The following LINGO2 variants were observed in gnomAD, a reference collection of about 807,000 sequenced individuals.
The protein encoded by LINGO2 is leucine rich repeat and Ig domain containing 2, also known as leucine-rich repeat and immunoglobulin-like domain-containing nogo receptor-interacting protein 2.
In LINGO2, 14 loss-of-function variants were observed where a neutral mutation model predicts 30.6. That is an observed-to-expected ratio of 0.46 (90% CI 0.30 to 0.72). The LOEUF (loss-of-function observed/expected upper bound fraction) is 0.72, where lower values mean the gene tolerates loss of function less well. LINGO2 is among the 30% of genes least tolerant of loss of function. The probability of loss-of-function intolerance (pLI) is 0.07; values close to 1 mark genes in which losing one functional copy is unlikely to be tolerated. For synonymous variants in LINGO2, 317 were observed against 288.5 expected, an observed-to-expected ratio of 1.10 and a Z score of -1.00; for missense variants, 729 against 751.7, an observed-to-expected ratio of 0.97 and a Z score of 0.35.
At chr9:29,150,486 A>C in the LINGO2 span, among the ~76,000 whole-genome samples, 1 of 152,324 alleles carries the variant, frequency 6.6e-6, no homozygotes, top group East Asian at 1.9e-4. Flanking sequence ...GCTCACTGTG[A>C]TTCAGGAGAA....
At chr9:28,997,791 C>G in the LINGO2 span, among the ~76,000 whole-genome samples, 1 of 151,932 alleles carries the variant, frequency 6.6e-6, no homozygotes, top group Non-Finnish European at 1.5e-5. Context: ...CCACTGCACT[C>G]CAGCCTGGGC....
intron 1 of LINGO2, among the ~76,000 whole-genome samples, chr9:28,662,683 A>C (rs1828627166): frequency 6.6e-6 from 1 of 152,176 alleles, no homozygotes; most frequent in South Asian, 2.1e-4. Context: ...GGGGACAATG[A>C]CAGTATTCAT....
intron 5 of LINGO2, among the ~76,000 whole-genome samples, chr9:27,967,341 A>T (rs1489011914): frequency 6.6e-6 from 1 of 152,086 alleles, no homozygotes; most frequent in Admixed American, 6.6e-5. Context: ...GATGAAGAGG[A>T]TCATAATTAT....
At chr9:28,925,425 G>C in the LINGO2 span, among the ~76,000 whole-genome samples, 13 of 152,142 alleles carry the variant, frequency 8.5e-5, no homozygotes, top group Non-Finnish European at 1.5e-4. Flanking sequence ...ATATGTCTAT[G>C]TGACCAAGTG....
chr9:28,414,663 G>T (rs1161738983), intron 2 of LINGO2, among the ~76,000 whole-genome samples: 1 of 152,046 alleles, frequency 6.6e-6, no homozygotes, highest in Non-Finnish European at 1.5e-5. Context: ...TTCTGATGGG[G>T]GTGGGAGACA....
At chr9:28,936,532 C>T in the LINGO2 span, among the ~76,000 whole-genome samples, 1 of 152,170 alleles carries the variant, frequency 6.6e-6, no homozygotes, top group East Asian at 1.9e-4. Context: ...AGAAGCTAAG[C>T]TCTTTGTGGA....
chr9:28,804,123 T>C, the LINGO2 span, among the ~76,000 whole-genome samples: 1 of 152,058 alleles, frequency 6.6e-6, no homozygotes, highest in African/African-American at 2.4e-5. Context: ...TCTCTTTTCT[T>C]CTCTATCCGT....
intron 1 of LINGO2, among the ~76,000 whole-genome samples, chr9:28,541,392 T>A (rs1044013385): frequency 1.3e-5 from 2 of 152,194 alleles, no homozygotes; most frequent in African/African-American, 4.8e-5. Flanking sequence ...TAACAGGTCC[T>A]TATGAGGATG....
intron 2 of LINGO2, among the ~76,000 whole-genome samples, chr9:28,446,127 T>C (rs1013188777): frequency 1.6e-4 from 25 of 152,220 alleles, no homozygotes; most frequent in Admixed American, 1.4e-3. Flanking sequence ...TGTTTATTTT[T>C]CATTTTACCT....
At chr9:28,572,203 C>G (rs1823730026) in intron 1 of LINGO2, among the ~76,000 whole-genome samples, 1 of 152,014 alleles carries the variant, frequency 6.6e-6, no homozygotes, top group Non-Finnish European at 1.5e-5. Context: ...TTAAATTCCA[C>G]AAGGCAACTA....
intron 4 of LINGO2, among the ~76,000 whole-genome samples, chr9:28,190,975 G>A (rs545002401): frequency 6.6e-6 from 1 of 152,250 alleles, no homozygotes; most frequent in Non-Finnish European, 1.5e-5. Flanking sequence ...TGTGTAAGTG[G>A]AGAAACAATT....
At chr9:29,084,140 A>T in the LINGO2 span, among the ~76,000 whole-genome samples, 2 of 152,132 alleles carry the variant, frequency 1.3e-5, no homozygotes, top group African/African-American at 4.8e-5. Context: ...AATTTTAGAC[A>T]ATTCAATTCA....
intron 4 of LINGO2, among the ~76,000 whole-genome samples, chr9:28,198,986 G>C (rs796698764): frequency 1.2e-4 from 19 of 152,100 alleles, no homozygotes; most frequent in African/African-American, 4.3e-4. Flanking sequence ...AAACATTATT[G>C]GAAGATTTGC....
chr9:28,769,730 T>G, the LINGO2 span, among the ~76,000 whole-genome samples: 1 of 150,872 alleles, frequency 6.6e-6, no homozygotes, highest in Non-Finnish European at 1.5e-5. Context: ...TCTGCTTTAG[T>G]TTACTTACTC....
chr9:28,497,732 A>C lies in LINGO2; in HGVS notation c.-364-21707T>G, dbSNP rs537442684. ...TGCATTCCTTTGGAGGGGTAGAGGC[A>C]CTCTGATTTTTAGAATTTTCAGCTT... On this transcript the variant is annotated intron_variant, in intron 1 of 5. Coordinates refer to ENST00000379992, the Ensembl canonical transcript of LINGO2. 3.6e-3 allele frequency among the ~76,000 whole-genome samples: 543 copies of C among 152,170 alleles called. 4 individuals carry two copies. The highest frequency in any genetic ancestry group is 0.017 in the Middle Eastern group (5 of 294).
chr9:28,045,105 T>A (rs1418251790), intron 4 of LINGO2, among the ~76,000 whole-genome samples: 13 of 151,634 alleles, frequency 8.6e-5, no homozygotes. Context: ...AATTGAGACT[T>A]TTTCCCCCCC....
At chr9:28,107,022 C>A (rs1563978838) in intron 4 of LINGO2, among the ~76,000 whole-genome samples, 1 of 152,176 alleles carries the variant, frequency 6.6e-6, no homozygotes. Flanking sequence ...ACCTCTCCCC[C>A]ATTCCTTAAT....
At chr9:29,122,813 C>T in the LINGO2 span, among the ~76,000 whole-genome samples, 1 of 152,028 alleles carries the variant, frequency 6.6e-6, no homozygotes, top group African/African-American at 2.4e-5. Context: ...CAACACAGTA[C>T]AAATGTTCTG....
chr9:29,011,785 A>G, the LINGO2 span, among the ~76,000 whole-genome samples: 1 of 152,172 alleles, frequency 6.6e-6, no homozygotes, highest in Non-Finnish European at 1.5e-5. Flanking sequence ...CCCCGAATTT[A>G]TTAAAGAAGA....
Sources: allele counts gnomAD v4.1 joint callset (sites outside exome capture counted in the v4.1 genomes callset), GRCh38; gene constraint gnomAD v4.1.1; transcripts MANE v1.5; gene names NCBI Gene and HGNC (gene_info 2026-07-23, HGNC 2026-07-21).